The following TMOD3 variants were observed in gnomAD, a reference collection of about 807,000 sequenced individuals.
The protein encoded by TMOD3 is tropomodulin 3, also known as tropomodulin-3.
TMOD3 carries 20 observed loss-of-function variants against 39.2 expected under a neutral mutation model. The ratio of observed to expected loss-of-function variants is 0.51; its 90% CI spans 0.36 to 0.74. The LOEUF is 0.74. Ranked by LOEUF, TMOD3 falls within the 30% of genes least tolerant of loss-of-function variation. The probability of loss-of-function intolerance (pLI) is 0.00; values close to 1 mark genes in which losing one functional copy is unlikely to be tolerated. For missense variants in TMOD3, 381 were observed against 412.8 expected, an observed-to-expected ratio of 0.92 and a Z score of 0.67; for synonymous variants, 143 against 145.8, an observed-to-expected ratio of 0.98 and a Z score of 0.14.
chr15:51,897,302 C>G (rs919327110), intron 7 of TMOD3, among the ~76,000 whole-genome samples: 1 of 151,906 alleles, frequency 6.6e-6, no homozygotes, highest in African/African-American at 2.4e-5. Flanking sequence ...TATCTCTCTC[C>G]TGAACTCCGT....
At chr15:51,884,065 G>A (rs2056547785) in intron 3 of TMOD3, among the ~76,000 whole-genome samples, 1 of 152,156 alleles carries the variant, frequency 6.6e-6, no homozygotes, top group African/African-American at 2.4e-5. Flanking sequence ...GAAGTCTGTT[G>A]CTAAAATAAA....
At position 51,913,764 on chromosome 15, in the gene TMOD3, G is replaced by C. The variant is rs1425484166; in HGVS notation, c.*4954G>C. 6.6e-6 allele frequency: 1 copy of C among 152,134 alleles called. No homozygotes were observed. The highest frequency in any genetic ancestry group is 2.4e-5 in the African/African-American group (1 of 41,422). 9.4% of individuals were successfully genotyped at this position (152,134 alleles called of 1,614,324 possible). A position where few individuals can be genotyped will look rare whatever the true frequency, so the allele number is the denominator to read the frequency against. ...ACTGTGGCTTATGCCTGTAATCCTA[G>C]CACTTTGGAAAGCCGAGGCCGACGG... On this transcript the variant is annotated 3_prime_UTR_variant, in exon 10 of 10. Coordinates refer to ENST00000308580, the MANE Select transcript of TMOD3 (RefSeq NM_014547.5).
chr15:51,899,910 A>G (rs919985732), intron 7 of TMOD3, among the ~76,000 whole-genome samples: 4 of 152,200 alleles, frequency 2.6e-5, no homozygotes, highest in Admixed American at 1.3e-4. Context: ...TGCAAATACT[A>G]TGCCATTTTC....
intron 2 of TMOD3, among the ~76,000 whole-genome samples, chr15:51,865,322 C>T (rs372747297): frequency 3.3e-5 from 5 of 152,190 alleles, no homozygotes; most frequent in Admixed American, 1.3e-4. Flanking sequence ...AGTTCATGCC[C>T]TCTGTTTTAC....
intron 2 of TMOD3, among the ~76,000 whole-genome samples, chr15:51,865,643 CA>C (rs1208358706): frequency 6.6e-6 from 1 of 152,164 alleles, no homozygotes; most frequent in Non-Finnish European, 1.5e-5. Context: ...GCTAGGAGAA[CA>C]GTGATGTTTA....
At chr15:51,904,305 T>C (rs766193621) in intron 9 of TMOD3, among the ~76,000 whole-genome samples, 2 of 152,236 alleles carry the variant, frequency 1.3e-5, no homozygotes, top group Non-Finnish European at 2.9e-5. Context: ...ACTATATGCT[T>C]TTTGAGGGCA....
At chr15:51,829,992 C>T (rs879326371) in intron 1 of TMOD3, among the ~76,000 whole-genome samples, 156 bp downstream of exon 1, 18 of 152,128 alleles carry the variant, frequency 1.2e-4, no homozygotes, top group Non-Finnish European at 2.2e-4. Flanking sequence ...CAGGGGTGCG[C>T]GGGGGCTGCT....
intron 1 of TMOD3, chr15:51,860,550 A>G (rs899619683): frequency 9.0e-5 from 52 of 578,488 alleles, no homozygotes; most frequent in Non-Finnish European, 1.4e-4. Flanking sequence ...TTTGGCTGCC[A>G]TAATCCACAA....
At chr15:51,838,727 C>T (rs557018821) in intron 1 of TMOD3, among the ~76,000 whole-genome samples, 187 of 152,232 alleles carry the variant, frequency 1.2e-3, no homozygotes, top group Non-Finnish European at 2.3e-3. Flanking sequence ...TACTTTTTCC[C>T]TGTAGCCCCA....
intron 1 of TMOD3, chr15:51,859,037 A>T (rs1168594411): frequency 1.9e-5 from 7 of 374,056 alleles, no homozygotes; most frequent in Non-Finnish European, 3.4e-5. Context: ...AAAAATTAAC[A>T]AGTTAATATA....
At chr15:51,871,503 A>G (rs766749339) in intron 3 of TMOD3, among the ~76,000 whole-genome samples, 1 of 152,246 alleles carries the variant, frequency 6.6e-6, no homozygotes. Flanking sequence ...GATGTCAGAA[A>G]AAAACTATGG....
intron 1 of TMOD3, among the ~76,000 whole-genome samples, chr15:51,835,728 G>T (rs1266856122): frequency 6.6e-6 from 1 of 152,026 alleles, no homozygotes; most frequent in African/African-American, 2.4e-5. Context: ...AAGTTTATTT[G>T]CTGATAATAC....
At chr15:51,873,405 T>C (rs2056486155) in intron 3 of TMOD3, among the ~76,000 whole-genome samples, 1 of 152,212 alleles carries the variant, frequency 6.6e-6, no homozygotes, top group Admixed American at 6.5e-5. Context: ...AATAGAGGTT[T>C]TCCTGGCTCT....
chr15:51,835,081 G>A (rs756222275), intron 1 of TMOD3: 1 of 152,142 alleles, frequency 6.6e-6, no homozygotes, highest in Non-Finnish European at 1.5e-5. Flanking sequence ...ATTTTAAATG[G>A]CTTTTCTGTG....
chr15:51,846,638 G>T (rs1284994090), intron 1 of TMOD3, among the ~76,000 whole-genome samples: 1 of 152,198 alleles, frequency 6.6e-6, no homozygotes, highest in Non-Finnish European at 1.5e-5. Flanking sequence ...CATTTTGATT[G>T]ATGGCTGAGC....
At chr15:51,868,180 CTG>C (rs2056456921) in intron 2 of TMOD3, among the ~76,000 whole-genome samples, 2 of 152,064 alleles carry the variant, frequency 1.3e-5, no homozygotes, top group Non-Finnish European at 2.9e-5. Flanking sequence ...ATGAAGAAGT[CTG>C]TACAATGAAA....
At chr15:51,860,253 GT>G in intron 1 of TMOD3, 1 of 515,294 alleles carries the variant, frequency 1.9e-6, no homozygotes, top group Non-Finnish European at 3.9e-6. Context: ...TCGCTGTGCA[GT>G]TGAAAGCAGT....
intron 9 of TMOD3, among the ~76,000 whole-genome samples, chr15:51,906,746 C>T (rs1285244913): frequency 3.3e-5 from 5 of 152,152 alleles, no homozygotes; most frequent in East Asian, 1.9e-4. Flanking sequence ...CTGGGCTGGG[C>T]GCAGTGGCTC....
chr15:51,864,323 G>T (rs2056434530), intron 2 of TMOD3, among the ~76,000 whole-genome samples: 1 of 151,280 alleles, frequency 6.6e-6, no homozygotes, highest in Non-Finnish European at 1.5e-5. Flanking sequence ...CCTAGGCCAG[G>T]TTCCTCAATC....
Sources: allele counts gnomAD v4.1 joint callset (sites outside exome capture counted in the v4.1 genomes callset), GRCh38; gene constraint gnomAD v4.1.1; transcripts MANE v1.5; gene names NCBI Gene and HGNC (gene_info 2026-07-23, HGNC 2026-07-21).